The following PITPNM3 variants were observed in gnomAD, a reference collection of about 807,000 sequenced individuals.
PITPNM3 encodes membrane-associated phosphatidylinositol transfer protein 3.
A neutral mutation model predicts 102.0 loss-of-function variants in PITPNM3; 26 were observed. The observed-to-expected ratio is 0.25, with a 90% CI of 0.19 to 0.35. PITPNM3 has a LOEUF of 0.35. Among genes scored for constraint, PITPNM3 ranks in the 10% least tolerant of loss-of-function variants. The pLI is 1.00. For missense variants in PITPNM3, 1,083 were observed against 1,346.1 expected, an observed-to-expected ratio of 0.80 and a Z score of 3.06; for synonymous variants, 578 against 558.6, an observed-to-expected ratio of 1.03 and a Z score of -0.49.
intron 17 of PITPNM3, 78 bp from the exon 18 acceptor site, chr17:6,461,634 G>A: frequency 6.6e-7 from 1 of 1,522,894 alleles, no homozygotes; most frequent in South Asian, 1.1e-5. Flanking sequence ...CCTGCCCGCA[G>A]CTGCCCTCCT....
At chr17:6,536,671 G>A (rs185596194) in intron 2 of PITPNM3, among the ~76,000 whole-genome samples, 20 of 152,318 alleles carry the variant, frequency 1.3e-4, no homozygotes, top group East Asian at 3.9e-4. Context: ...TGAAAGCCCC[G>A]CCAAGGTCAC....
chr17:6,455,323 A>G lies in PITPNM3; in HGVS notation c.*15T>C. 1.3e-6 allele frequency: 2 copies of G among 1,563,772 alleles called. No individual in the cohort carries two copies. Among genetic ancestry groups the G allele is most frequent in the South Asian group, 1.2e-5 (1 of 83,234 alleles). On this transcript the variant is annotated 3_prime_UTR_variant, in exon 20 of 20. Coordinates refer to ENST00000262483, the MANE Select transcript of PITPNM3 (RefSeq NM_031220.4). ...ATTGGGCCCCCCGCTCCCTGCTCTG[A>G]GCACAGCCCACCCCTCAGGGCACCG...
At chr17:6,502,474 A>G (rs533805348) in intron 4 of PITPNM3, among the ~76,000 whole-genome samples, 20 of 152,162 alleles carry the variant, frequency 1.3e-4, no homozygotes, top group Non-Finnish European at 2.5e-4. Context: ...AAAAAGAGAA[A>G]GATTCTCTGG....
intron 3 of PITPNM3, among the ~76,000 whole-genome samples, chr17:6,520,368 C>T (rs1485098492): frequency 6.6e-6 from 1 of 152,150 alleles, no homozygotes; most frequent in Non-Finnish European, 1.5e-5. Context: ...ATGAAAGATT[C>T]CAATGTCTAT....
chr17:6,521,441 A>C (rs1908511257), intron 3 of PITPNM3: 1 of 152,162 alleles, frequency 6.6e-6, no homozygotes, highest in African/African-American at 2.4e-5. Context: ...AAAATGGTAA[A>C]TTTTATGTTA....
At chr17:6,488,088 C>G (rs1189242810) in intron 4 of PITPNM3, among the ~76,000 whole-genome samples, 1 of 151,944 alleles carries the variant, frequency 6.6e-6, no homozygotes, top group African/African-American at 2.4e-5. Flanking sequence ...CACAGAAAGG[C>G]ACACCTCCCG....
chr17:6,528,817 AC>A (rs1288554036), intron 2 of PITPNM3, among the ~76,000 whole-genome samples: 1 of 152,100 alleles, frequency 6.6e-6, no homozygotes, highest in African/African-American at 2.4e-5. Context: ...ACACACACAC[AC>A]ACACATACAC....
rs763616658 is a variant in PITPNM3, at chr17:6,457,237, C to T, written c.2619+357G>A. Among the ~76,000 whole-genome samples, 4 of 152,218 alleles carry T rather than the reference C, an allele frequency of 2.6e-5. No individual in the cohort carries two copies. Among genetic ancestry groups the T allele is most frequent in the Admixed American group, 6.5e-5 (1 of 15,284 alleles). On this transcript the variant is annotated intron_variant, in intron 19 of 19. Coordinates refer to ENST00000262483, the MANE Select transcript of PITPNM3 (RefSeq NM_031220.4). This position sits in a 1 kb window ranked among gnomAD's most constrained non-coding sequence, Gnocchi z 4.7. ...CTTCCTGGACCATTCCTTCAAATTC[C>T]GGAAACCCAACCTTGCCCTGGAGTC...
At chr17:6,526,893 C>T (rs1039402400) in intron 2 of PITPNM3, among the ~76,000 whole-genome samples, 6 of 152,216 alleles carry the variant, frequency 3.9e-5, no homozygotes, top group African/African-American at 1.4e-4. Context: ...ATCCTGATAG[C>T]CTGCCCTGGA....
At chr17:6,502,550 C>A (rs959369771) in intron 4 of PITPNM3, among the ~76,000 whole-genome samples, 7 of 152,170 alleles carry the variant, frequency 4.6e-5, no homozygotes, top group Admixed American at 4.6e-4. Context: ...TGTCATAGGT[C>A]CTTCCACCTC....
intron 3 of PITPNM3, among the ~76,000 whole-genome samples, chr17:6,523,785 C>T (rs1908673732): frequency 6.6e-6 from 1 of 152,192 alleles, no homozygotes; most frequent in Admixed American, 6.5e-5. Flanking sequence ...TCTGGATTGC[C>T]CTTGGGGGCC....
At chr17:6,462,686 C>T (rs369207385) in intron 17 of PITPNM3, among the ~76,000 whole-genome samples, 1 of 152,186 alleles carries the variant, frequency 6.6e-6, no homozygotes, top group Non-Finnish European at 1.5e-5. Flanking sequence ...CTTTATGGCA[C>T]CTGCCACCAG....
intron 2 of PITPNM3, among the ~76,000 whole-genome samples, chr17:6,526,224 G>A (rs929128576): frequency 6.6e-6 from 1 of 152,070 alleles, no homozygotes; most frequent in Admixed American, 6.6e-5. Flanking sequence ...AAATCAGTGG[G>A]GCTATATTCC....
At chr17:6,460,470 T>C (rs952940045) in intron 18 of PITPNM3, 1 of 152,286 alleles carries the variant, frequency 6.6e-6, no homozygotes, top group African/African-American at 2.4e-5. Context: ...AAAGGCCAGA[T>C]AGTAAATATA....
At position 6,470,448 on chromosome 17, in the gene PITPNM3, C is replaced by T. The variant is rs776524993; in HGVS notation, c.1625-40G>A. On this transcript the variant is annotated intron_variant, in intron 12 of 19. Transcript: ENST00000262483. This position sits in a 1 kb window ranked among gnomAD's most constrained non-coding sequence, Gnocchi z 4.8. ...GGAAGGTGAGGATGCGTGGCCGGCC[C>T]GGGGCCTCACCCGAGGGGCAGCGGG... 18 of 1,613,428 alleles carry T rather than the reference C, an allele frequency of 1.1e-5. No homozygotes were observed. The highest frequency in any genetic ancestry group is 5.5e-5 in the South Asian group (5 of 91,054).
At position 6,454,228 on chromosome 17, in the gene PITPNM3, G is replaced by C. The variant is rs908466873; in HGVS notation, c.*1110C>G. On this transcript the variant is annotated 3_prime_UTR_variant, in exon 20 of 20. Coordinates refer to ENST00000262483, the MANE Select transcript of PITPNM3 (RefSeq NM_031220.4). ...TAACCTTTTGGCAGGAGAGGGAGGT[G>C]GGTTGTCCCTAGGACACCCAGTTTG... 1 of 152,066 alleles carries C rather than the reference G, an allele frequency of 6.6e-6. No individual in the cohort carries two copies. The highest frequency in any genetic ancestry group is 1.5e-5 in the Non-Finnish European group (1 of 67,970). 9.4% of individuals were successfully genotyped at this position (152,066 alleles called of 1,614,324 possible). A position where few individuals can be genotyped will look rare whatever the true frequency, so the allele number is the denominator to read the frequency against.
At chr17:6,511,889 G>A (rs1371342908) in intron 3 of PITPNM3, among the ~76,000 whole-genome samples, 6 of 152,100 alleles carry the variant, frequency 3.9e-5, no homozygotes, top group African/African-American at 1.4e-4. Flanking sequence ...AGGTTTCAAG[G>A]AACTGAGATC....
intron 4 of PITPNM3, 79 bp from the exon 5 acceptor site, chr17:6,484,371 T>C (rs1905942758): frequency 7.1e-7 from 1 of 1,406,432 alleles, no homozygotes. Flanking sequence ...CAGCTGGCCC[T>C]AAAGGTGAGA....
chr17:6,454,943 T>G lies in PITPNM3; in HGVS notation c.*395A>C. ...AGAGGCTGTGCCTGCCAGCGGCGCTTGGTGCCGAGGCTGGGGCTGCCCCCT... is the reference window on the plus strand; with the variant it reads ...AGAGGCTGTGCCTGCCAGCGGCGCTGGGTGCCGAGGCTGGGGCTGCCCCCT... On this transcript the variant is annotated 3_prime_UTR_variant, in exon 20 of 20. Coordinates refer to ENST00000262483, the MANE Select transcript of PITPNM3 (RefSeq NM_031220.4). 1 of 224,424 alleles carries G rather than the reference T, an allele frequency of 4.5e-6. No homozygotes were observed. The highest frequency in any genetic ancestry group is 8.7e-6 in the Non-Finnish European group (1 of 114,382). The allele number at this position is 224,424 out of a possible 1,614,324, so 13.9% of individuals were successfully genotyped here. A position where few individuals can be genotyped will look rare whatever the true frequency, so the allele number is the denominator to read the frequency against.
Sources: allele counts gnomAD v4.1 joint callset (sites outside exome capture counted in the v4.1 genomes callset), GRCh38; gene constraint gnomAD v4.1.1; non-coding constraint Gnocchi (gnomAD v3.1); transcripts MANE v1.5; gene names NCBI Gene and HGNC (gene_info 2026-07-23, HGNC 2026-07-21).